The following DPF3 variants were observed in gnomAD, a reference collection of about 807,000 sequenced individuals.
The protein encoded by DPF3 is double PHD fingers 3.
In DPF3, 18 loss-of-function variants were observed where a neutral mutation model predicts 56.8. That is an observed-to-expected ratio of 0.32 (90% confidence interval 0.22 to 0.47). The LOEUF (loss-of-function observed/expected upper bound fraction) is 0.47. Among genes scored for constraint, DPF3 ranks in the 20% least tolerant of loss-of-function variants. The pLI, the probability that DPF3 is intolerant of heterozygous loss-of-function variation, is 1.00. For synonymous variants in DPF3, 188 were observed against 180.2 expected (o/e 1.04, Z -0.35); for missense variants, 403 against 488.8 (o/e 0.82, Z 1.65).
At chr14:72,852,156 G>A (rs1034463863) in intron 1 of DPF3, among the ~76,000 whole-genome samples, 1 of 152,216 alleles carries the variant, frequency 6.6e-6, no homozygotes, top group African/African-American at 2.4e-5. Flanking sequence ...GGAGAAGAAT[G>A]AACCTGCAGA....
At chr14:72,620,874 C>T (rs904227595) in intron 9 of DPF3, among the ~76,000 whole-genome samples, 9 of 152,210 alleles carry the variant, frequency 5.9e-5, no homozygotes, top group South Asian at 2.1e-4. Context: ...GGCGCTGTGG[C>T]GCATGCCTGT....
At chr14:72,712,777 G>A (rs1179604741) in intron 6 of DPF3, among the ~76,000 whole-genome samples, 2 of 152,216 alleles carry the variant, frequency 1.3e-5, no homozygotes, top group Non-Finnish European at 2.9e-5. Flanking sequence ...TGAGGCAGGA[G>A]GATGGCTTGA....
intron 3 of DPF3, among the ~76,000 whole-genome samples, chr14:72,738,578 C>A (rs568151976): frequency 2.0e-5 from 3 of 151,872 alleles, no homozygotes; most frequent in South Asian, 2.1e-4. Flanking sequence ...GAGGGTGAGA[C>A]GGGGAGGGTG....
intron 7 of DPF3, among the ~76,000 whole-genome samples, chr14:72,686,854 A>G (rs981897928): frequency 1.2e-4 from 18 of 152,202 alleles, no homozygotes; most frequent in Non-Finnish European, 2.2e-4. Context: ...ATGGCTTTTC[A>G]GTCACCTTTC....
chr14:72,873,881 C>T (rs1886001928), intron 1 of DPF3, among the ~76,000 whole-genome samples: 1 of 150,130 alleles, frequency 6.7e-6, no homozygotes, highest in Non-Finnish European at 1.5e-5. Context: ...AATGAGAACA[C>T]ATGGACACAG....
chr14:72,610,548 C>T lies in DPF3; in HGVS notation c.*8749G>A, dbSNP rs957068811. ...TGTCTTGGCTGTCAGAGAAATTGAG[C>T]TTACAAATTGCCCTCACCCTGAACC... On this transcript the variant is annotated 3_prime_UTR_variant, in exon 11 of 11. Transcript: ENST00000556509. Among the ~76,000 whole-genome samples the T allele has an allele frequency of 4.6e-5, 7 of 152,232 alleles. No homozygotes were observed. The highest frequency in any genetic ancestry group is 4.6e-4 in the Admixed American group (7 of 15,282).
chr14:72,622,838 C>T (rs1340642719), intron 9 of DPF3, among the ~76,000 whole-genome samples: 1 of 152,100 alleles, frequency 6.6e-6, no homozygotes, highest in African/African-American at 2.4e-5. Flanking sequence ...AATCCTAGTG[C>T]CCCAACAACC....
intron 9 of DPF3, among the ~76,000 whole-genome samples, chr14:72,626,578 C>T (rs1884842314): frequency 6.6e-6 from 1 of 152,128 alleles, no homozygotes; most frequent in African/African-American, 2.4e-5. Context: ...TCAACAACTA[C>T]TCTTCCATAT....
chr14:72,760,508 C>T (rs1213898433), intron 2 of DPF3, among the ~76,000 whole-genome samples: 1 of 152,156 alleles, frequency 6.6e-6, no homozygotes, highest in East Asian at 1.9e-4. Context: ...TGTAAGGTAA[C>T]ATACGCACAG....
chr14:72,647,176 T>G (rs1235329290), intron 8 of DPF3, among the ~76,000 whole-genome samples: 1 of 152,228 alleles, frequency 6.6e-6, no homozygotes, highest in African/African-American at 2.4e-5. Context: ...ACTACTGCTT[T>G]GTTAAGCTGG....
At chr14:72,621,017 T>C (rs1272567986) in intron 9 of DPF3, among the ~76,000 whole-genome samples, 1 of 152,048 alleles carries the variant, frequency 6.6e-6, no homozygotes, top group Admixed American at 6.6e-5. Context: ...GGCGTGCACC[T>C]GTAATCCCAG....
chr14:72,684,612 G>C (rs1887324102), intron 7 of DPF3, among the ~76,000 whole-genome samples: 1 of 152,006 alleles, frequency 6.6e-6, no homozygotes, highest in African/African-American at 2.4e-5. Flanking sequence ...TGAATAGAAT[G>C]ATGTGTGATT....
intron 8 of DPF3, among the ~76,000 whole-genome samples, chr14:72,640,821 C>T (rs376331376): frequency 5.3e-5 from 8 of 152,166 alleles, no homozygotes; most frequent in African/African-American, 1.7e-4. Context: ...CAAGACCAGG[C>T]TAGAGATATA....
At chr14:72,668,654 T>C (rs188540151) in intron 8 of DPF3, among the ~76,000 whole-genome samples, 134 of 152,076 alleles carry the variant, frequency 8.8e-4, no homozygotes, top group African/African-American at 3.0e-3. Context: ...AGGTAGCCTT[T>C]TATAATTTGC....
intron 7 of DPF3, among the ~76,000 whole-genome samples, chr14:72,678,089 T>C (rs772528254): frequency 8.5e-5 from 13 of 152,172 alleles, no homozygotes; most frequent in Non-Finnish European, 1.8e-4. Flanking sequence ...CTTTGTGAAG[T>C]AGGGAATTTT....
rs375369282 is a variant in DPF3 at position 72,748,749 on chromosome 14, T to C, written c.301+4515A>G. Among the ~76,000 whole-genome samples, 146 of 152,328 alleles carry C rather than the reference T, an allele frequency of 9.6e-4. 5 individuals are homozygous for C. The South Asian group carries it at 0.028, about 30-fold the overall frequency. ...CAGCTGTGGCTGAAAGGGGCCAACA[T>C]AGAGCTCAGGCTGTGGCTTCAGAGG... On this transcript the variant is annotated intron_variant, in intron 3 of 10. Coordinates refer to ENST00000556509, the MANE Select transcript of DPF3 (RefSeq NM_001280542.3).
At chr14:72,672,036 C>CAT (rs1886700572) in intron 8 of DPF3, among the ~76,000 whole-genome samples, 1 of 110,412 alleles carries the variant, frequency 9.1e-6, no homozygotes, top group African/African-American at 3.9e-5. Context: ...ACACCACACA[C>CAT]ACACACACAC....
At chr14:72,825,846 C>T (rs973074172) in intron 1 of DPF3, among the ~76,000 whole-genome samples, 80 of 152,290 alleles carry the variant, frequency 5.3e-4, no homozygotes, top group African/African-American at 1.7e-3. Flanking sequence ...GGCAGGAGAG[C>T]TCTAGGAAGT....
intron 1 of DPF3, among the ~76,000 whole-genome samples, chr14:72,878,046 G>A (rs548946280): frequency 3.7e-4 from 57 of 152,130 alleles, no homozygotes; most frequent in African/African-American, 1.3e-3. Context: ...TCTACAATTC[G>A]GCTCCTGCAG....
Sources: allele counts gnomAD v4.1 joint callset (sites outside exome capture counted in the v4.1 genomes callset), GRCh38; gene constraint gnomAD v4.1.1; transcripts MANE v1.5; gene names NCBI Gene and HGNC (gene_info 2026-07-23, HGNC 2026-07-21).